Variants in RGL1 observed in about 807,000 individuals in gnomAD.
RGL1 encodes ral guanine nucleotide dissociation stimulator like 1.
Under a neutral mutation model 95.2 loss-of-function variants are expected in RGL1, and 24 were observed. The observed-to-expected ratio is 0.25, with a 90% CI of 0.18 to 0.35. RGL1 has a LOEUF of 0.35. RGL1 is among the 10% of genes least tolerant of loss of function. The pLI is 1.00. For synonymous variants in RGL1, 329 were observed against 344.9 expected, an observed-to-expected ratio of 0.95 and a Z score of 0.51; for missense variants, 715 against 936.3, an observed-to-expected ratio of 0.76 and a Z score of 3.08.
At chr1:183,873,629 C>T (rs967053538) in intron 4 of RGL1, among the ~76,000 whole-genome samples, 2 of 152,058 alleles carry the variant, frequency 1.3e-5, no homozygotes, top group Non-Finnish European at 2.9e-5. Flanking sequence ...AATAAGACTG[C>T]GGAAGTACAT....
chr1:183,896,800 T>C (rs552172556), intron 9 of RGL1, among the ~76,000 whole-genome samples: 1 of 152,288 alleles, frequency 6.6e-6, no homozygotes, highest in African/African-American at 2.4e-5. Flanking sequence ...GAGTTTGTTG[T>C]TACAATAGAC....
At chr1:183,710,998 G>A (rs924217873) in intron 1 of RGL1, among the ~76,000 whole-genome samples, 1 of 152,162 alleles carries the variant, frequency 6.6e-6, no homozygotes, top group African/African-American at 2.4e-5. Context: ...CTACACTTCT[G>A]CATCTTTGGA....
At chr1:183,886,697 T>C (rs887065664) in intron 7 of RGL1, among the ~76,000 whole-genome samples, 1 of 152,204 alleles carries the variant, frequency 6.6e-6, no homozygotes, top group African/African-American at 2.4e-5. Context: ...GTTGTATCTT[T>C]TACAATTGTG....
intron 2 of RGL1, among the ~76,000 whole-genome samples, chr1:183,769,587 A>T (rs999265737): frequency 3.3e-5 from 5 of 152,244 alleles, no homozygotes; most frequent in African/African-American, 1.2e-4. Flanking sequence ...CAATACATAA[A>T]CATGTAAACA....
At chr1:183,904,100 G>A (rs544109378) in intron 12 of RGL1, among the ~76,000 whole-genome samples, 1 of 152,228 alleles carries the variant, frequency 6.6e-6, no homozygotes, top group South Asian at 2.1e-4. Flanking sequence ...TTTAGACTAG[G>A]ATATTAAACT....
At chr1:183,863,305 C>T (rs938105163) in intron 3 of RGL1, among the ~76,000 whole-genome samples, 2 of 151,446 alleles carry the variant, frequency 1.3e-5, no homozygotes, top group African/African-American at 2.4e-5. Flanking sequence ...TTTCTTTTTT[C>T]TTCTTCTTCT....
chr1:183,817,062 G>A (rs1453139383), intron 2 of RGL1, among the ~76,000 whole-genome samples: 1 of 152,170 alleles, frequency 6.6e-6, no homozygotes, highest in Non-Finnish European at 1.5e-5. Flanking sequence ...CTTTTAATTT[G>A]TTGTGAGAAG....
At chr1:183,661,058 G>A (rs1413668512) in intron 1 of RGL1, among the ~76,000 whole-genome samples, 4 of 152,110 alleles carry the variant, frequency 2.6e-5, no homozygotes, top group Non-Finnish European at 4.4e-5. Flanking sequence ...ATTCAAAGCA[G>A]TGTGTAGAGG....
chr1:183,877,393 C>T (rs889675578), intron 4 of RGL1, among the ~76,000 whole-genome samples: 26 of 152,180 alleles, frequency 1.7e-4, no homozygotes, highest in South Asian at 4.1e-4. Context: ...CATTATTTTG[C>T]GATGTTGCTT....
chr1:183,715,147 A>G (rs1232845938), intron 1 of RGL1, among the ~76,000 whole-genome samples: 1 of 152,176 alleles, frequency 6.6e-6, no homozygotes, highest in Non-Finnish European at 1.5e-5. Flanking sequence ...AGCCTATATA[A>G]TACTACCCAA....
intron 1 of RGL1, among the ~76,000 whole-genome samples, chr1:183,697,161 C>T (rs1447590408): frequency 1.3e-5 from 2 of 152,152 alleles, no homozygotes; most frequent in Admixed American, 1.3e-4. Flanking sequence ...GCAACTTCCA[C>T]CCAGGGCACT....
chr1:183,883,887 G>C lies in RGL1; in HGVS notation c.712G>C (p.Glu238Gln), dbSNP rs760283979. Residue 238 changes from glutamate (E) to glutamine (Q), a missense_variant, in exon 6 of 18, where the codon GAG becomes CAG. Physicochemically the swap from Glu to Gln is conservative, Grantham distance 29. Coordinates refer to ENST00000360851, the MANE Select transcript of RGL1 (RefSeq NM_001297671.3). ...FTCFSEDLVA[E>Q]QLTYMDAQLF... is the part of the protein sequence containing the mutation. ...GTGCTTCTCAGAAGATCTCGTGGCA[G>C]AGCAGCTGACCTACATGGATGCAGT... The C allele has an allele frequency of 6.2e-7, 1 of 1,614,078 alleles. No homozygotes were observed. Among genetic ancestry groups the C allele is most frequent in the South Asian group, 1.1e-5 (1 of 91,076 alleles).
chr1:183,849,084 T>C (rs5779191), intron 3 of RGL1, among the ~76,000 whole-genome samples: 1 of 137,834 alleles, frequency 7.3e-6, no homozygotes, highest in African/African-American at 2.5e-5. Flanking sequence ...ATTTAAAAAA[T>C]TTTTTTTTTC....
chr1:183,669,765 T>A (rs1323827520), intron 1 of RGL1, among the ~76,000 whole-genome samples: 1 of 152,160 alleles, frequency 6.6e-6, no homozygotes, highest in Admixed American at 6.5e-5. Flanking sequence ...CAATTCCACA[T>A]GGCTGGGGAG....
chr1:183,861,779 C>T (rs964182788), intron 3 of RGL1, among the ~76,000 whole-genome samples: 1 of 152,298 alleles, frequency 6.6e-6, no homozygotes, highest in Non-Finnish European at 1.5e-5. Flanking sequence ...ACATCGTTGA[C>T]AGGTTTGTTG....
chr1:183,667,545 C>T (rs1457751051), intron 1 of RGL1, among the ~76,000 whole-genome samples: 1 of 151,996 alleles, frequency 6.6e-6, no homozygotes, highest in Admixed American at 6.6e-5. Context: ...AGGCGTGTCT[C>T]TAACTCCCAA....
At chr1:183,661,023 G>C (rs1195751673) in intron 1 of RGL1, among the ~76,000 whole-genome samples, 1 of 152,034 alleles carries the variant, frequency 6.6e-6, no homozygotes, top group South Asian at 2.1e-4. Flanking sequence ...AACAAAGACA[G>C]AACATACCAG....
At chr1:183,898,299 A>G (rs1228289080) in intron 10 of RGL1, among the ~76,000 whole-genome samples, 1 of 152,152 alleles carries the variant, frequency 6.6e-6, no homozygotes, top group South Asian at 2.1e-4. Context: ...AAGGAGAAAG[A>G]GTGTCTTCTC....
chr1:183,889,051 C>T (rs1468665821), intron 8 of RGL1, among the ~76,000 whole-genome samples: 1 of 152,154 alleles, frequency 6.6e-6, no homozygotes, highest in Non-Finnish European at 1.5e-5. Context: ...GCATTAAAAA[C>T]CTTTAAATGT....
Sources: gnomAD v4.1 joint callset for allele counts (sites outside exome capture counted in the v4.1 genomes callset) on GRCh38, gnomAD v4.1.1 for gene constraint, MANE v1.5 for transcripts, NCBI Gene and HGNC (gene_info 2026-07-23, HGNC 2026-07-21) for gene names.